The following TRIT1 variants were observed in gnomAD, a reference collection of about 807,000 sequenced individuals.
TRIT1 encodes tRNA dimethylallyltransferase.
TRIT1 carries 43 observed loss-of-function variants against 51.2 expected under a neutral mutation model. That is an observed-to-expected ratio of 0.84 (90% CI 0.66 to 1.08). The LOEUF is 1.08. TRIT1 is among the 50% of genes least tolerant of loss of function. The pLI, the probability that TRIT1 is intolerant of heterozygous loss-of-function variation, is 0.00. For synonymous variants in TRIT1, 184 were observed against 203.9 expected (o/e 0.90, Z 0.83); for missense variants, 528 against 578.4 (o/e 0.91, Z 0.89).
chr1:39,864,469 C>T (rs148064937), intron 1 of TRIT1, among the ~76,000 whole-genome samples: 11,764 of 151,328 alleles, frequency 0.078, 605 homozygotes, highest in South Asian at 0.12. Context: ...ATTAGCCGGG[C>T]GTGGTGGCAG....
Position 39,844,138 on chromosome 1 carries a change from G to A in TRIT1, c.1197C>T (p.Leu399=). 1 of 1,614,154 alleles carries A rather than the reference G, an allele frequency of 6.2e-7. No individual in the cohort carries two copies. The highest frequency in any genetic ancestry group is 8.5e-7 in the Non-Finnish European group (1 of 1,180,000). Residue 399 remains leucine, a synonymous_variant, in exon 10 of 11, where the codon CTC becomes CTT. Coordinates refer to ENST00000316891, the MANE Select transcript of TRIT1 (RefSeq NM_017646.6). ...ENKRSYHLCD[L]CDRIIIGDRE... ...GATCCCCAATGATGATTCGATCACA[G>A]AGGTCACACAGGTGATAACTTCTCT...
At chr1:39,876,087 G>C (rs935720956) in intron 1 of TRIT1, 1 of 147,354 alleles carries the variant, frequency 6.8e-6, no homozygotes, top group East Asian at 1.9e-4. Flanking sequence ...GGGATCAAGA[G>C]GCCAACAGGG....
chr1:39,854,177 G>A, intron 2 of TRIT1, 109 bp from the exon 3 acceptor site: 1 of 784,442 alleles, frequency 1.3e-6, no homozygotes, highest in Non-Finnish European at 2.0e-6. Context: ...AGGAGAAAGG[G>A]TGGGAACCAA....
intron 8 of TRIT1, among the ~76,000 whole-genome samples, chr1:39,846,837 CA>C: frequency 6.6e-6 from 1 of 152,160 alleles, no homozygotes; most frequent in East Asian, 1.9e-4. Context: ...TTATACAACT[CA>C]TCTGGCCCCC....
intron 1 of TRIT1, among the ~76,000 whole-genome samples, chr1:39,859,727 T>C (rs982458472): frequency 9.9e-5 from 15 of 152,228 alleles, no homozygotes; most frequent in African/African-American, 3.6e-4. Context: ...GATCCCATTT[T>C]AAAGAGCTCA....
chr1:39,846,284 G>T (rs931450685), intron 8 of TRIT1, among the ~76,000 whole-genome samples: 6 of 152,220 alleles, frequency 3.9e-5, no homozygotes, highest in Non-Finnish European at 7.3e-5. Flanking sequence ...GAGGCACCGA[G>T]TGGGGCAGAG....
intron 2 of TRIT1, among the ~76,000 whole-genome samples, chr1:39,855,733 G>C (rs796747547): frequency 3.6e-4 from 55 of 152,300 alleles, no homozygotes; most frequent in African/African-American, 1.3e-3. Flanking sequence ...GAAGAGGAGA[G>C]AGTGGAAAGA....
rs773596178 is a variant in TRIT1, at chr1:39,841,808, TTATGG to T, written c.1335_1339del (p.Asp445GlufsTer5). On this transcript the variant is annotated frameshift_variant, in exon 11 of 11. Coordinates refer to ENST00000316891, the MANE Select transcript of TRIT1 (RefSeq NM_017646.6). LOFTEE classifies it high-confidence loss of function. Reference sequence around the variant, plus strand: ...GGATCCCTTCTCTTTAGGTTCTTTGTTATGGTCTGGGGAAACACTCTGACTTTCTA... The same window carrying T: ...GGATCCCTTCTCTTTAGGTTCTTTGTTCTGGGGAAACACTCTGACTTTCTA... The T allele has an allele frequency of 1.4e-5, 22 of 1,613,994 alleles. No individual in the cohort carries two copies. Among genetic ancestry groups the T allele is most frequent in the Non-Finnish European group, 3.4e-6 (4 of 1,180,012 alleles).
At chr1:39,858,069 G>A (rs1448109339) in intron 1 of TRIT1, among the ~76,000 whole-genome samples, 7 of 152,072 alleles carry the variant, frequency 4.6e-5, no homozygotes, top group East Asian at 1.9e-4. Flanking sequence ...CTGCCAATTC[G>A]ACTAAAAAGT....
At chr1:39,882,036 T>C (rs577321288) in intron 1 of TRIT1, among the ~76,000 whole-genome samples, 1 of 152,346 alleles carries the variant, frequency 6.6e-6, no homozygotes, top group African/African-American at 2.4e-5. Flanking sequence ...TTGTATTAAG[T>C]ACTGCACATA....
chr1:39,847,414 G>GT, intron 7 of TRIT1, 117 bp from the exon 8 acceptor site: 1 of 1,430,376 alleles, frequency 7.0e-7, no homozygotes, highest in Non-Finnish European at 9.8e-7. Flanking sequence ...GTCAGACTTG[G>GT]TGGACAAAAA....
chr1:39,876,528 G>GTATC (rs1553147778), intron 1 of TRIT1, among the ~76,000 whole-genome samples: 2,458 of 127,658 alleles, frequency 0.019, 28 homozygotes, highest in East Asian at 0.087. Context: ...ATTTATATGT[G>GTATC]TATCTATCTA....
Position 39,850,483 on chromosome 1 carries a change from C to T in TRIT1, c.561-222G>A, listed in dbSNP as rs41268045. ...CAAGACCAACCTAAGCAGCAACAGA[C>T]CCTGTCTCTTCAAAAAGGGGGCATG... On this transcript the variant is annotated intron_variant, in intron 4 of 10. Coordinates refer to ENST00000316891, the MANE Select transcript of TRIT1 (RefSeq NM_017646.6). Among the ~76,000 whole-genome samples, 12,965 of 152,116 alleles carry T rather than the reference C, an allele frequency of 0.085. 713 individuals carry two copies. The highest frequency in any genetic ancestry group is 0.13 in the Non-Finnish European group (8,827 of 67,992).
chr1:39,847,414 G>A, intron 7 of TRIT1, 117 bp from the exon 8 acceptor site: 1 of 1,430,376 alleles, frequency 7.0e-7, no homozygotes, highest in South Asian at 1.2e-5. Context: ...GTCAGACTTG[G>A]TGGACAAAAA....
rs1319847615 is a variant in TRIT1 at position 39,882,023 on chromosome 1, A to G, written c.174+1295T>C. 2.0e-5 allele frequency among the ~76,000 whole-genome samples: 3 copies of G among 152,334 alleles called. No homozygotes were observed. In the East Asian group the frequency reaches 5.8e-4, roughly 29 times the overall value. ...ATTTTTAGCTCTTATTATGTGCCAT[A>G]TATTGTATTAAGTACTGCACATACT... is the stretch of plus-strand genomic sequence containing the variant. On this transcript the variant is annotated intron_variant, in intron 1 of 10. Transcript: ENST00000316891.
At chr1:39,858,874 T>C (rs976211226) in intron 1 of TRIT1, among the ~76,000 whole-genome samples, 1 of 152,232 alleles carries the variant, frequency 6.6e-6, no homozygotes, top group Non-Finnish European at 1.5e-5. Context: ...TATTCTTTTC[T>C]GTGTATCTTG....
chr1:39,856,223 T>C (rs934570661), intron 2 of TRIT1, among the ~76,000 whole-genome samples: 2 of 152,072 alleles, frequency 1.3e-5, no homozygotes, highest in Non-Finnish European at 2.9e-5. Flanking sequence ...GGGGAATCAC[T>C]TAAACCTGGG....
rs952105736 is a variant in TRIT1, at chr1:39,871,886, T to C, written c.174+11432A>G. On this transcript the variant is annotated intron_variant, in intron 1 of 10. Coordinates refer to ENST00000316891, the MANE Select transcript of TRIT1 (RefSeq NM_017646.6). ...AAACATCATAAAGAGTACACTTTAC[T>C]ATATGTATGCAAAAAATTTTTAAAA... Among the ~76,000 whole-genome samples the C allele has an allele frequency of 8.9e-4, 136 of 152,232 alleles. 1 individual carries two copies. The highest frequency in any genetic ancestry group is 3.1e-3 in the African/African-American group (130 of 41,532).
At chr1:39,870,319 G>A (rs564154947) in intron 1 of TRIT1, among the ~76,000 whole-genome samples, 206 of 151,960 alleles carry the variant, frequency 1.4e-3, no homozygotes, top group African/African-American at 4.6e-3. Context: ...CAGCATGCTC[G>A]TAAAGAGTCA....
Sources: gnomAD v4.1 joint callset for allele counts (sites outside exome capture counted in the v4.1 genomes callset) on GRCh38, gnomAD v4.1.1 for gene constraint, MANE v1.5 for transcripts, NCBI Gene and HGNC (gene_info 2026-07-23, HGNC 2026-07-21) for gene names.